The following WWOX variants were observed in gnomAD, a reference collection of about 807,000 sequenced individuals.
The protein encoded by WWOX is WW domain containing oxidoreductase.
Under a neutral mutation model 46.2 loss-of-function variants are expected in WWOX, and 69 were observed. That is an observed-to-expected ratio of 1.49 (90% CI 1.23 to 1.82). WWOX has a LOEUF of 1.82. Among genes scored for constraint, WWOX ranks in the 40% most tolerant of loss-of-function variants. The pLI is 0.00. For synonymous variants in WWOX, 359 were observed against 202.6 expected, an observed-to-expected ratio of 1.77 and a Z score of -6.56; for missense variants, 919 against 542.6, an observed-to-expected ratio of 1.69 and a Z score of -6.89.
chr16:78,222,168 G>A (rs563033741), intron 5 of WWOX, among the ~76,000 whole-genome samples: 1 of 152,190 alleles, frequency 6.6e-6, no homozygotes, highest in East Asian at 1.9e-4. Flanking sequence ...TGATTGTGAA[G>A]ATGGCCGCTG....
At chr16:79,079,745 A>C (rs2048725828) in intron 8 of WWOX, among the ~76,000 whole-genome samples, 1 of 152,250 alleles carries the variant, frequency 6.6e-6, no homozygotes, top group Admixed American at 6.5e-5. Flanking sequence ...GCTTTGCAAC[A>C]GGGAACTATA....
At chr16:78,267,657 C>T (rs924499509) in intron 5 of WWOX, among the ~76,000 whole-genome samples, 1 of 152,168 alleles carries the variant, frequency 6.6e-6, no homozygotes, top group Non-Finnish European at 1.5e-5. Context: ...ACATCTGACA[C>T]TGTCTTTTAA....
chr16:78,250,878 C>A (rs1234122767), intron 5 of WWOX, among the ~76,000 whole-genome samples: 3 of 152,290 alleles, frequency 2.0e-5, no homozygotes, highest in Admixed American at 6.5e-5. Context: ...CTCTACCTGG[C>A]AATCTTCATT....
Position 78,101,332 on chromosome 16 carries a change from C to T in WWOX, c.107+1447C>T, listed in dbSNP as rs1489464048. 2.9e-5 allele frequency among the ~76,000 whole-genome samples: 3 copies of T among 102,558 alleles called. No homozygotes were observed. The East Asian group carries it at 8.3e-4, about 28-fold the overall frequency. 67.3% of individuals were successfully genotyped at this position (102,558 alleles called of 152,430 possible). Reference sequence around the variant, plus strand: ...AAAGTGCTGGGATTACAGGCGTGAGCTACCGCTCCCGGCCTTTTTTTTTTT... The same window carrying T: ...AAAGTGCTGGGATTACAGGCGTGAGTTACCGCTCCCGGCCTTTTTTTTTTT... On this transcript the variant is annotated intron_variant, in intron 1 of 8. Coordinates refer to ENST00000566780, the MANE Select transcript of WWOX (RefSeq NM_016373.4).
chr16:78,466,460 A>G (rs1287581074), intron 8 of WWOX, among the ~76,000 whole-genome samples: 2 of 152,242 alleles, frequency 1.3e-5, no homozygotes, highest in African/African-American at 4.8e-5. Flanking sequence ...TGTGAATTTC[A>G]TCTCAGCAAA....
At chr16:78,820,058 T>C (rs374576131) in intron 8 of WWOX, among the ~76,000 whole-genome samples, 1 of 152,224 alleles carries the variant, frequency 6.6e-6, no homozygotes, top group East Asian at 1.9e-4. Flanking sequence ...ACTATTTACC[T>C]CTGTACTGTC....
chr16:78,615,074 C>G (rs1010727011), intron 8 of WWOX, among the ~76,000 whole-genome samples: 2 of 152,114 alleles, frequency 1.3e-5, no homozygotes, highest in Admixed American at 6.5e-5. Flanking sequence ...GTTCCTGAGT[C>G]TGGGGACACT....
At chr16:78,685,650 T>C (rs3829555) in intron 8 of WWOX, among the ~76,000 whole-genome samples, 4,466 of 152,354 alleles carry the variant, frequency 0.029, 85 homozygotes, top group East Asian at 0.069. Context: ...TGGTGCTAAA[T>C]GCAAAGGCAG....
At chr16:78,819,749 C>T (rs941804238) in intron 8 of WWOX, among the ~76,000 whole-genome samples, 2 of 152,182 alleles carry the variant, frequency 1.3e-5, no homozygotes, top group African/African-American at 4.8e-5. Context: ...CCTGCATCAC[C>T]AGCACAGTGG....
In WWOX at chr16:78,432,702, T is replaced by G. The variant is rs2083254581; in HGVS notation, c.1006T>G (p.Trp336Gly). Reference sequence around the variant, plus strand: ...GTACTCCAACATTCATCGCAGCTGGTGGGTGTACACACTGCTGTTTACCTT... The same window carrying G: ...GTACTCCAACATTCATCGCAGCTGGGGGGTGTACACACTGCTGTTTACCTT... Reference protein sequence around the residue: ...MMYSNIHRSWWVYTLLFTLAR... With the variant: ...MMYSNIHRSWGVYTLLFTLAR... The change falls in exon 8 of 9, where the codon TGG becomes GGG. Residue 336 changes from tryptophan to glycine, a missense_variant. Coordinates refer to ENST00000566780, the MANE Select transcript of WWOX (RefSeq NM_016373.4). The G allele has an allele frequency of 4.3e-6, 7 of 1,614,082 alleles. No individual in the cohort carries two copies. The highest frequency in any genetic ancestry group is 5.9e-6 in the Non-Finnish European group (7 of 1,180,048).
intron 8 of WWOX, among the ~76,000 whole-genome samples, chr16:78,638,087 C>G (rs1405466937): frequency 2.0e-5 from 3 of 152,214 alleles, no homozygotes; most frequent in East Asian, 1.9e-4. Flanking sequence ...CCAATCCAAG[C>G]TAAGCTCTTC....
At position 78,126,616 on chromosome 16, in the gene WWOX, C is replaced by A. The variant is rs146728425; in HGVS notation, c.409+11462C>A. ...AAGTTAATTTATAAAGTGTCTATTA[C>A]TTTAAGTACCTGTTCAATCCTGTGA... On this transcript the variant is annotated intron_variant, in intron 4 of 8. Coordinates refer to ENST00000566780, the MANE Select transcript of WWOX (RefSeq NM_016373.4). Among the ~76,000 whole-genome samples, 1,156 of 152,188 alleles carry A rather than the reference C, an allele frequency of 7.6e-3. 3 individuals are homozygous for A. Among genetic ancestry groups the A allele is most frequent in the Middle Eastern group, 0.014 (4 of 294 alleles).
chr16:78,927,556 G>C (rs1190734146), intron 8 of WWOX, among the ~76,000 whole-genome samples: 1 of 152,186 alleles, frequency 6.6e-6, no homozygotes, highest in Non-Finnish European at 1.5e-5. Flanking sequence ...TTAGTCATTT[G>C]ATTTCTGAAG....
intron 8 of WWOX, among the ~76,000 whole-genome samples, chr16:79,082,183 C>A (rs1365441141): frequency 6.6e-6 from 1 of 152,168 alleles, no homozygotes. Context: ...GATTCCCTGA[C>A]ACTCACCTGA....
chr16:78,836,868 A>C (rs56062530), intron 8 of WWOX, among the ~76,000 whole-genome samples: 65,041 of 151,910 alleles, frequency 0.43, 14,219 homozygotes, highest in Non-Finnish European at 0.47. Flanking sequence ...ATAGGGGGCC[A>C]AGCAGTAGAT....
intron 5 of WWOX, among the ~76,000 whole-genome samples, chr16:78,313,360 G>A (rs1420420062): frequency 6.6e-6 from 1 of 152,032 alleles, no homozygotes; most frequent in African/African-American, 2.4e-5. Context: ...GATGTGTTTC[G>A]TTGTTTTTCT....
chr16:78,470,498 T>G lies in WWOX; in HGVS notation c.1056+37746T>G, dbSNP rs532263641. Among the ~76,000 whole-genome samples the G allele has an allele frequency of 3.9e-5, 6 of 151,996 alleles. No homozygotes were observed. The East Asian group carries it at 1.2e-3, about 30-fold the overall frequency. ...CATGGGGAAGCAAGACCCCACTCTT[T>G]TATTTTCATGTATGTATATATGTAT... is the stretch of plus-strand genomic sequence containing the variant. On this transcript the variant is annotated intron_variant, in intron 8 of 8. Transcript: ENST00000566780.
At chr16:78,908,679 TG>T (rs1226573728) in intron 8 of WWOX, among the ~76,000 whole-genome samples, 2 of 152,004 alleles carry the variant, frequency 1.3e-5, no homozygotes, top group African/African-American at 2.4e-5. Flanking sequence ...GGTCAGGGAA[TG>T]GGGAGTATTG....
chr16:79,041,851 A>C (rs1025072033), intron 8 of WWOX, among the ~76,000 whole-genome samples: 16 of 152,038 alleles, frequency 1.1e-4, no homozygotes, highest in African/African-American at 3.6e-4. Context: ...ACTTACATTC[A>C]ACCTCTGCTT....
Sources: gnomAD v4.1 joint callset for allele counts (sites outside exome capture counted in the v4.1 genomes callset) on GRCh38, gnomAD v4.1.1 for gene constraint, MANE v1.5 for transcripts, NCBI Gene and HGNC (gene_info 2026-07-23, HGNC 2026-07-21) for gene names.